GAS2: variants seen among roughly 807,000 people sequenced by gnomAD.
The protein encoded by GAS2 is growth arrest specific 2, also known as growth arrest-specific protein 2.
A neutral mutation model predicts 37.5 loss-of-function variants in GAS2; 20 were observed. The observed-to-expected ratio is 0.53, with a 90% confidence interval of 0.37 to 0.77. The LOEUF (loss-of-function observed/expected upper bound fraction) is 0.77, where lower values mean the gene tolerates loss of function less well. Among genes scored for constraint, GAS2 ranks in the 30% least tolerant of loss-of-function variants. The probability of loss-of-function intolerance (pLI) is 0.00; values close to 1 mark genes in which losing one functional copy is unlikely to be tolerated. For synonymous variants in GAS2, 144 were observed against 132.2 expected, an observed-to-expected ratio of 1.09 and a Z score of -0.61; for missense variants, 336 against 373.4, an observed-to-expected ratio of 0.90 and a Z score of 0.82.
At chr11:22,707,055 T>C (rs1191519647) in intron 3 of GAS2, among the ~76,000 whole-genome samples, 1 of 152,156 alleles carries the variant, frequency 6.6e-6, no homozygotes, top group Non-Finnish European at 1.5e-5. Context: ...TATCTCATTG[T>C]GGTTTTGATT....
chr11:22,768,143 A>G (rs190708022), intron 7 of GAS2, among the ~76,000 whole-genome samples: 4 of 152,332 alleles, frequency 2.6e-5, no homozygotes, highest in Admixed American at 2.0e-4. Context: ...TAGAAGCAGA[A>G]TAAGATCTTA....
At chr11:22,664,813 TTAAAA>T (rs1203724175), upstream of GAS2, among the ~76,000 whole-genome samples, 1 of 152,044 alleles carries the variant, frequency 6.6e-6, no homozygotes, top group African/African-American at 2.4e-5. Flanking sequence ...GCTAAAAAAA[TTAAAA>T]TAAAAACACT....
intron 1 of GAS2, among the ~76,000 whole-genome samples, chr11:22,652,246 C>A (rs571603681): frequency 1.3e-5 from 2 of 152,308 alleles, no homozygotes; most frequent in South Asian, 4.1e-4. Flanking sequence ...GTCAGGGGGT[C>A]AGGGACCCAC....
At position 22,812,777 on chromosome 11, in the gene GAS2, G is replaced by T. The variant is rs556528593; in HGVS notation, c.*761G>T. Reference sequence around the variant, plus strand: ...TGACGAGTAAATTGTACAGTCAAATGTTCATTGATTTCATGTTATTTCAAA... The same window carrying T: ...TGACGAGTAAATTGTACAGTCAAATTTTCATTGATTTCATGTTATTTCAAA... On this transcript the variant is annotated 3_prime_UTR_variant, in exon 8 of 8. Transcript: ENST00000454584. 6.6e-6 allele frequency: 1 copy of T among 152,468 alleles called. No individual in the cohort carries two copies. The highest frequency in any genetic ancestry group is 2.4e-5 in the African/African-American group (1 of 41,406). 9.4% of individuals were successfully genotyped at this position (152,468 alleles called of 1,614,324 possible).
chr11:22,726,485 G>T, intron 4 of GAS2, 52 bp downstream of exon 4: 1 of 1,530,236 alleles, frequency 6.5e-7, no homozygotes, highest in Non-Finnish European at 8.9e-7. Flanking sequence ...ATTATCTTTT[G>T]TCTTTGTCAG....
intron 7 of GAS2, among the ~76,000 whole-genome samples, chr11:22,767,961 G>A (rs749494788): frequency 6.6e-6 from 1 of 151,868 alleles, no homozygotes; most frequent in East Asian, 1.9e-4. Context: ...CAGTAAAAAC[G>A]CATAATCTTG....
At chr11:22,714,385 G>T (rs768747520) in intron 3 of GAS2, among the ~76,000 whole-genome samples, 2 of 151,860 alleles carry the variant, frequency 1.3e-5, no homozygotes, top group African/African-American at 4.8e-5. Context: ...AACAATTACC[G>T]CTACACATAG....
At chr11:22,724,874 G>C (rs1174498377) in intron 3 of GAS2, among the ~76,000 whole-genome samples, 1 of 151,930 alleles carries the variant, frequency 6.6e-6, no homozygotes, top group Non-Finnish European at 1.5e-5. Flanking sequence ...ACTCTAGTAA[G>C]AGTTGCATGT....
chr11:22,649,185 T>G (rs1590569046), intron 1 of GAS2, among the ~76,000 whole-genome samples: 2 of 151,754 alleles, frequency 1.3e-5, no homozygotes, highest in African/African-American at 4.8e-5. Context: ...CATGTGGTTT[T>G]TGTCTTTGGC....
chr11:22,665,192 A>G (rs1848963917), upstream of GAS2, among the ~76,000 whole-genome samples: 1 of 152,160 alleles, frequency 6.6e-6, no homozygotes, highest in Non-Finnish European at 1.5e-5. Flanking sequence ...TGACAAGAAT[A>G]TTCATATCTG....
intron 3 of GAS2, among the ~76,000 whole-genome samples, chr11:22,718,857 T>C (rs1851813501): frequency 6.6e-6 from 1 of 152,030 alleles, no homozygotes; most frequent in Non-Finnish European, 1.5e-5. Context: ...AAAGAAGCTG[T>C]TCGTAGTTGA....
At chr11:22,788,305 A>G (rs1208826585) in intron 7 of GAS2, among the ~76,000 whole-genome samples, 3 of 152,222 alleles carry the variant, frequency 2.0e-5, no homozygotes. Context: ...AAGTTTCAGT[A>G]TGATTTGACT....
intron 3 of GAS2, among the ~76,000 whole-genome samples, chr11:22,700,505 T>G (rs116535417): frequency 0.012 from 1,782 of 152,268 alleles, 25 homozygotes; most frequent in African/African-American, 0.041. Flanking sequence ...TCTGAGGACG[T>G]TAAAAGCACT....
Position 22,791,432 on chromosome 11 carries a change from C to T in GAS2, c.724-20366C>T, listed in dbSNP as rs1856158285. On this transcript the variant is annotated intron_variant, in intron 7 of 7. Coordinates refer to ENST00000454584, the MANE Select transcript of GAS2 (RefSeq NM_001143830.3). ...GATCTGACAGACATGCTTTTCGCAA[C>T]TACTTTTAGAAGTTAATGGGCCAAA... Among the ~76,000 whole-genome samples the T allele has an allele frequency of 3.9e-5, 6 of 152,138 alleles. No individual in the cohort carries two copies. The South Asian group carries it at 1.2e-3, about 32-fold the overall frequency.
chr11:22,715,240 TC>T (rs1851608908), intron 3 of GAS2, among the ~76,000 whole-genome samples: 1 of 151,546 alleles, frequency 6.6e-6, no homozygotes, highest in Non-Finnish European at 1.5e-5. Flanking sequence ...GGCAGGCGGA[TC>T]ACCAGGTGAG....
chr11:22,642,423 C>T (rs568512864), intron 1 of GAS2, among the ~76,000 whole-genome samples: 1 of 152,232 alleles, frequency 6.6e-6, no homozygotes, highest in South Asian at 2.1e-4. Flanking sequence ...TTAATTTAGA[C>T]TGATGCCAGT....
At chr11:22,716,284 CTTTTACCTCTTAT>C (rs941725495) in intron 3 of GAS2, among the ~76,000 whole-genome samples, 72 of 152,220 alleles carry the variant, frequency 4.7e-4, no homozygotes, top group African/African-American at 1.6e-3. Flanking sequence ...AGGATGCCCA[CTTTTACCTCTTAT>C]ATTCAACATA....
At chr11:22,797,828 G>A (rs12293188) in intron 7 of GAS2, among the ~76,000 whole-genome samples, 30,518 of 151,964 alleles carry the variant, frequency 0.2, 3,887 homozygotes, top group African/African-American at 0.35. Flanking sequence ...TTCATAAATT[G>A]TTCCAAGCAT....
chr11:22,685,550 C>A, intron 2 of GAS2, 118 bp from the exon 3 acceptor site: 2 of 1,019,818 alleles, frequency 2.0e-6, no homozygotes, highest in South Asian at 1.8e-5. Flanking sequence ...AGCTCCTATC[C>A]CAGTTATGTA....
Sources: allele counts gnomAD v4.1 joint callset (sites outside exome capture counted in the v4.1 genomes callset), GRCh38; gene constraint gnomAD v4.1.1; transcripts MANE v1.5; gene names NCBI Gene and HGNC (gene_info 2026-07-23, HGNC 2026-07-21).